TMEM132C: variants seen among roughly 807,000 people sequenced by gnomAD.
TMEM132C encodes transmembrane protein 132C.
A neutral mutation model predicts 61.4 loss-of-function variants in TMEM132C; 29 were observed. That is an observed-to-expected ratio of 0.47 (90% confidence interval 0.35 to 0.64). The LOEUF (loss-of-function observed/expected upper bound fraction) is 0.64. Among genes scored for constraint, TMEM132C ranks in the 30% least tolerant of loss-of-function variants. The pLI is 0.00. For synonymous variants in TMEM132C, 656 were observed against 633.1 expected (o/e 1.04, Z -0.54); for missense variants, 1,408 against 1,476.9 (o/e 0.95, Z 0.76).
At chr12:128,651,053 G>A in intron 4 of TMEM132C, among the ~76,000 whole-genome samples, 1 of 152,184 alleles carries the variant, frequency 6.6e-6, no homozygotes, top group African/African-American at 2.4e-5. Context: ...TTGCTGTCCT[G>A]AGCCTCGCCC....
intron 1 of TMEM132C, among the ~76,000 whole-genome samples, chr12:128,389,102 G>A (rs1874684508): frequency 6.6e-6 from 1 of 152,156 alleles, no homozygotes; most frequent in African/African-American, 2.4e-5. Flanking sequence ...CAGGGGGTTG[G>A]CAGCCTGAGC....
At chr12:128,466,090 G>T (rs942511802) in intron 2 of TMEM132C, among the ~76,000 whole-genome samples, 1 of 152,138 alleles carries the variant, frequency 6.6e-6, no homozygotes, top group Non-Finnish European at 1.5e-5. Flanking sequence ...AATAAAGACA[G>T]AACAGGGTGG....
intron 1 of TMEM132C, among the ~76,000 whole-genome samples, chr12:128,287,945 G>A (rs914639074): frequency 7.9e-5 from 12 of 152,052 alleles, no homozygotes; most frequent in Non-Finnish European, 1.2e-4. Flanking sequence ...CATTCATTTC[G>A]AATTGATCTA....
intron 2 of TMEM132C, among the ~76,000 whole-genome samples, chr12:128,494,838 A>G (rs948660023): frequency 1.3e-5 from 2 of 149,472 alleles, no homozygotes; most frequent in South Asian, 2.2e-4. Context: ...TTGTGTCTCT[A>G]TCTCCTTCAG....
chr12:128,431,472 G>A (rs1222371107), intron 2 of TMEM132C, among the ~76,000 whole-genome samples: 2 of 151,940 alleles, frequency 1.3e-5, no homozygotes, highest in Admixed American at 6.6e-5. Context: ...CGATGAGGTG[G>A]CTGCACTAAA....
At chr12:128,542,677 T>C (rs976866219) in intron 2 of TMEM132C, among the ~76,000 whole-genome samples, 2 of 151,538 alleles carry the variant, frequency 1.3e-5, no homozygotes, top group South Asian at 2.1e-4. Flanking sequence ...CTGGCCAGCA[T>C]GGTGAAACCC....
At position 128,269,764 on chromosome 12, in the gene TMEM132C, G is replaced by A. The variant is rs112050059; in HGVS notation, c.85+2277G>A. Among the ~76,000 whole-genome samples the A allele has an allele frequency of 6.6e-3, 1,003 of 151,598 alleles. 8 individuals are homozygous for A. Among genetic ancestry groups the A allele is most frequent in the African/African-American group, 0.023 (963 of 41,214 alleles). ...CCTCCACACGTAAAGCGTTTGCACCGTAAGATATCTTCTAGAGAGGAAAGT... is the reference window on the plus strand; with the variant it reads ...CCTCCACACGTAAAGCGTTTGCACCATAAGATATCTTCTAGAGAGGAAAGT... On this transcript the variant is annotated intron_variant, in intron 1 of 8. Coordinates refer to ENST00000435159, the MANE Select transcript of TMEM132C (RefSeq NM_001136103.3).
chr12:128,470,313 T>A (rs1208524061), intron 2 of TMEM132C, among the ~76,000 whole-genome samples: 1 of 152,238 alleles, frequency 6.6e-6, no homozygotes, highest in African/African-American at 2.4e-5. Flanking sequence ...AAGAGGCATT[T>A]GTCGCGTGTC....
At chr12:128,318,435 C>G (rs1872221648) in intron 1 of TMEM132C, among the ~76,000 whole-genome samples, 1 of 152,210 alleles carries the variant, frequency 6.6e-6, no homozygotes, top group African/African-American at 2.4e-5. Context: ...TAGAAACACA[C>G]ACTCCCCTAG....
rs1310250950 is a variant in TMEM132C at position 128,360,271 on chromosome 12, CA to C, written c.86-54460del. The stretch of plus-strand genomic sequence containing the variant: ...ACACACACACACACACACACACACA[CA>C]CACACACACCCCAGGATAACAGAGA... On this transcript the variant is annotated intron_variant, in intron 1 of 8. Coordinates refer to ENST00000435159, the MANE Select transcript of TMEM132C (RefSeq NM_001136103.3). Among the ~76,000 whole-genome samples the C allele has an allele frequency of 7.4e-3, 1,118 of 151,822 alleles. 4 individuals carry two copies. The highest frequency in any genetic ancestry group is 0.012 in the Non-Finnish European group (782 of 67,926).
chr12:128,349,918 T>TACACACACACAC (rs56323654), intron 1 of TMEM132C, among the ~76,000 whole-genome samples: 5 of 149,688 alleles, frequency 3.3e-5, no homozygotes, highest in African/African-American at 1.2e-4. Context: ...ACACGTACCG[T>TACACACACACAC]ACACACACAC....
intron 3 of TMEM132C, among the ~76,000 whole-genome samples, chr12:128,573,609 T>A (rs201517707): frequency 7.9e-5 from 12 of 151,370 alleles, no homozygotes; most frequent in Admixed American, 2.6e-4. Flanking sequence ...AATAATTTTT[T>A]AAAAATTTTA....
intron 2 of TMEM132C, among the ~76,000 whole-genome samples, chr12:128,511,071 G>A (rs1165249389): frequency 6.6e-6 from 1 of 152,232 alleles, no homozygotes; most frequent in Non-Finnish European, 1.5e-5. Context: ...GGAAAGAGCA[G>A]GCATGCAGGG....
intron 4 of TMEM132C, among the ~76,000 whole-genome samples, chr12:128,646,273 A>C (rs147790275): frequency 7.5e-6 from 1 of 132,506 alleles, no homozygotes; most frequent in East Asian, 2.3e-4. Context: ...GATCCCATCA[A>C]CTTTCAATAT....
chr12:128,505,007 A>C (rs1388237265), intron 2 of TMEM132C, among the ~76,000 whole-genome samples: 1 of 152,136 alleles, frequency 6.6e-6, no homozygotes, highest in Non-Finnish European at 1.5e-5. Context: ...ATTACTTACT[A>C]CGTAAATATG....
chr12:128,452,611 G>A (rs977323806), intron 2 of TMEM132C, among the ~76,000 whole-genome samples: 1 of 151,628 alleles, frequency 6.6e-6, no homozygotes, highest in Non-Finnish European at 1.5e-5. Flanking sequence ...TGCTGAGGTA[G>A]GAGAATCGCT....
chr12:128,301,780 C>T (rs533933474), intron 1 of TMEM132C, among the ~76,000 whole-genome samples: 39 of 152,192 alleles, frequency 2.6e-4, no homozygotes, highest in African/African-American at 6.5e-4. Flanking sequence ...TTTCACGCTG[C>T]TGATAAAGAC....
chr12:128,367,640 G>A (rs777310554), intron 1 of TMEM132C, among the ~76,000 whole-genome samples: 2 of 152,138 alleles, frequency 1.3e-5, no homozygotes, highest in Middle Eastern at 6.8e-3. Context: ...GTCCAGTGCA[G>A]TAGCCAAGTG....
At chr12:128,498,907 G>A (rs1374643821) in intron 2 of TMEM132C, among the ~76,000 whole-genome samples, 1 of 152,042 alleles carries the variant, frequency 6.6e-6, no homozygotes, top group Non-Finnish European at 1.5e-5. Context: ...CCCAGGTTTT[G>A]CAATTGGCAA....
Sources: gnomAD v4.1 joint callset for allele counts (sites outside exome capture counted in the v4.1 genomes callset) on GRCh38, gnomAD v4.1.1 for gene constraint, MANE v1.5 for transcripts, NCBI Gene and HGNC (gene_info 2026-07-23, HGNC 2026-07-21) for gene names.